The following CMIP variants were observed in gnomAD, a reference collection of about 807,000 sequenced individuals.
CMIP encodes the protein c-Maf inducing protein.
In CMIP, 13 loss-of-function variants were observed where a neutral mutation model predicts 97.3. The observed-to-expected ratio is 0.13, with a 90% CI of 0.09 to 0.21. The LOEUF is 0.21. Among genes scored for constraint, CMIP ranks in the 10% least tolerant of loss-of-function variants. The pLI, the probability that CMIP is intolerant of heterozygous loss-of-function variation, is 1.00. For missense variants in CMIP, 847 were observed against 1,024.9 expected (o/e 0.83, Z 2.37); for synonymous variants, 538 against 436.3 (o/e 1.23, Z -2.91).
chr16:81,533,429 A>G (rs1471860299), intron 1 of CMIP, among the ~76,000 whole-genome samples: 1 of 152,188 alleles, frequency 6.6e-6, no homozygotes, highest in Non-Finnish European at 1.5e-5. Flanking sequence ...AGCTAAGGTT[A>G]TGTGCATGAT....
chr16:81,583,923 G>A (rs13332707), intron 1 of CMIP, among the ~76,000 whole-genome samples: 11,126 of 152,190 alleles, frequency 0.073, 722 homozygotes, highest in African/African-American at 0.17. Context: ...AGAGGGAATC[G>A]TTGGAAGCAG....
intron 1 of CMIP, among the ~76,000 whole-genome samples, chr16:81,575,156 A>C (rs1478780229): frequency 1.6e-4 from 25 of 152,196 alleles, no homozygotes; most frequent in Admixed American, 1.5e-3. Flanking sequence ...TATCTCATTC[A>C]ACCTTCACAA....
chr16:81,571,986 A>C (rs939126113), intron 1 of CMIP, among the ~76,000 whole-genome samples: 4 of 152,154 alleles, frequency 2.6e-5, no homozygotes, highest in Non-Finnish European at 5.9e-5. Context: ...GTGTCTCGGA[A>C]GAGTTGCATC....
intron 16 of CMIP, 150 bp from the exon 17 acceptor site, chr16:81,702,472 C>T (rs1479109810): frequency 2.7e-6 from 2 of 745,592 alleles, no homozygotes; most frequent in Non-Finnish European, 4.6e-6. Context: ...AACCTCATCT[C>T]CGGGTTTGCC....
Position 81,453,546 on chromosome 16 carries a change from G to A in CMIP, c.300+8005G>A, listed in dbSNP as rs1197101634. 6.6e-6 allele frequency among the ~76,000 whole-genome samples: 1 copy of A among 152,152 alleles called. No homozygotes were observed. Among genetic ancestry groups the A allele is most frequent in the Admixed American group, 6.5e-5 (1 of 15,288 alleles). On this transcript the variant is annotated intron_variant, in intron 1 of 20. Coordinates refer to ENST00000537098, the MANE Select transcript of CMIP (RefSeq NM_198390.3). The surrounding 1 kb of genome is among the most constrained non-coding windows in gnomAD (Gnocchi z 4.0). The stretch of plus-strand genomic sequence containing the variant: ...GACCCAGGCCTGGCTCTCCTCCCTC[G>A]CATGTTGGCTCCCTGTGTGGACTAG...
chr16:81,477,915 C>T (rs1007963997), intron 1 of CMIP, among the ~76,000 whole-genome samples: 1 of 152,246 alleles, frequency 6.6e-6, no homozygotes, highest in Non-Finnish European at 1.5e-5. Context: ...AAAAGGACTT[C>T]TGCCCTGTTA....
intron 1 of CMIP, among the ~76,000 whole-genome samples, chr16:81,598,242 G>T (rs1007142542): frequency 3.3e-5 from 5 of 151,452 alleles, no homozygotes; most frequent in African/African-American, 7.3e-5. Context: ...ACCAACGGGG[G>T]TATCGTCTAC....
In CMIP at chr16:81,620,941, G is replaced by T; in HGVS notation, c.477+15G>T. On this transcript the variant is annotated intron_variant, in intron 3 of 20. Coordinates refer to ENST00000537098, the MANE Select transcript of CMIP (RefSeq NM_198390.3). ...TGCAATGGAAGGTAAGTACTGACTC[G>T]GTTGCTTGTTTAAAGCGACTCAGGC... The T allele has an allele frequency of 6.2e-7, 1 of 1,613,676 alleles. No individual in the cohort carries two copies. Among genetic ancestry groups the T allele is most frequent in the Non-Finnish European group, 8.5e-7 (1 of 1,179,682 alleles).
intron 3 of CMIP, among the ~76,000 whole-genome samples, chr16:81,641,901 G>A (rs572595312): frequency 6.6e-6 from 1 of 152,318 alleles, no homozygotes; most frequent in African/African-American, 2.4e-5. Flanking sequence ...AGGTGCTCAG[G>A]ATCCAGAGCT....
chr16:81,597,812 G>C lies in CMIP; in HGVS notation c.301-9755G>C, dbSNP rs529889451. On this transcript the variant is annotated intron_variant, in intron 1 of 20. Transcript: ENST00000537098. ...GAAAAGTGCCACACTCAAGGACACAGATTTCTGTTCCTCTCACCAGCCATC... is the reference window on the plus strand; with the variant it reads ...GAAAAGTGCCACACTCAAGGACACACATTTCTGTTCCTCTCACCAGCCATC... Among the ~76,000 whole-genome samples, 4 of 152,260 alleles carry C rather than the reference G, an allele frequency of 2.6e-5. No homozygotes were observed. The South Asian group carries it at 8.3e-4, about 32-fold the overall frequency.
chr16:81,598,980 A>AG (rs1301809036), intron 1 of CMIP, among the ~76,000 whole-genome samples: 2 of 151,600 alleles, frequency 1.3e-5, no homozygotes, highest in African/African-American at 4.9e-5. Context: ...AAAAAAAAAA[A>AG]AAAAAAAAAA....
chr16:81,531,759 C>G (rs1483708144), intron 1 of CMIP, among the ~76,000 whole-genome samples: 3 of 152,172 alleles, frequency 2.0e-5, no homozygotes, highest in African/African-American at 7.2e-5. Context: ...ATGGCTTTTC[C>G]CAGACTGGCT....
intron 1 of CMIP, among the ~76,000 whole-genome samples, chr16:81,573,747 G>A (rs2150893187): frequency 6.6e-6 from 1 of 152,274 alleles, no homozygotes; most frequent in South Asian, 2.1e-4. Context: ...GGGCCTTGTT[G>A]TCATTCCTAC....
intron 3 of CMIP, among the ~76,000 whole-genome samples, chr16:81,633,011 G>A (rs1334914759): frequency 2.0e-5 from 3 of 152,218 alleles, no homozygotes; most frequent in Non-Finnish European, 4.4e-5. Context: ...GGACCCGAGC[G>A]TTCGTGTGTC....
chr16:81,530,829 C>A (rs527238350), intron 1 of CMIP, among the ~76,000 whole-genome samples: 4 of 152,138 alleles, frequency 2.6e-5, no homozygotes, highest in African/African-American at 9.7e-5. Flanking sequence ...ACATTATCTT[C>A]GATCAGTTCA....
intron 1 of CMIP, among the ~76,000 whole-genome samples, chr16:81,536,979 T>G (rs917277062): frequency 6.6e-6 from 1 of 152,140 alleles, no homozygotes; most frequent in Non-Finnish European, 1.5e-5. Context: ...TGTATCAGTG[T>G]CTAATGGTTT....
chr16:81,445,905 C>G (rs1300358011), intron 1 of CMIP, among the ~76,000 whole-genome samples: 2 of 151,160 alleles, frequency 1.3e-5, no homozygotes, highest in Non-Finnish European at 3.0e-5. Context: ...CTGGAAGCCC[C>G]TGGCCCATCT....
rs1442298605 is a variant in CMIP, at chr16:81,600,622, C to G, written c.301-6945C>G. On this transcript the variant is annotated intron_variant, in intron 1 of 20. Transcript: ENST00000537098. ...GGAGTGACGACTTAATGGTATGGGG[C>G]TTCCTTTGGGAGTAAAAACATCTCA... 2.6e-5 allele frequency among the ~76,000 whole-genome samples: 4 copies of G among 152,164 alleles called. No individual in the cohort carries two copies. In the East Asian group the frequency reaches 5.8e-4, roughly 22 times the overall value.
chr16:81,607,228 C>T (rs1187673680), intron 1 of CMIP, among the ~76,000 whole-genome samples: 1 of 152,232 alleles, frequency 6.6e-6, no homozygotes, highest in African/African-American at 2.4e-5. Flanking sequence ...TGGCTTATTG[C>T]TGGTGAGGGA....
Sources: allele counts gnomAD v4.1 joint callset (sites outside exome capture counted in the v4.1 genomes callset), GRCh38; gene constraint gnomAD v4.1.1; non-coding constraint Gnocchi (gnomAD v3.1); transcripts MANE v1.5; gene names NCBI Gene and HGNC (gene_info 2026-07-23, HGNC 2026-07-21).